LARGE1: variants seen among roughly 807,000 people sequenced by gnomAD.
The protein encoded by LARGE1 is LARGE xylosyl- and glucuronyltransferase 1.
LARGE1 carries 43 observed loss-of-function variants against 87.6 expected under a neutral mutation model. That is an observed-to-expected ratio of 0.49 (90% confidence interval 0.38 to 0.63). LARGE1 has a LOEUF of 0.63. Ranked by LOEUF, LARGE1 falls within the 30% of genes least tolerant of loss-of-function variation. The pLI, the probability that LARGE1 is intolerant of heterozygous loss-of-function variation, is 0.00. For missense variants in LARGE1, 802 were observed against 1,000.2 expected (o/e 0.80, Z 2.67); for synonymous variants, 434 against 394.6 (o/e 1.10, Z -1.18).
At chr22:33,396,222 T>A (rs2065734667) in intron 7 of LARGE1, among the ~76,000 whole-genome samples, 1 of 152,204 alleles carries the variant, frequency 6.6e-6, no homozygotes, top group South Asian at 2.1e-4. Context: ...AAAATCACCC[T>A]CAGAATCGCA....
At chr22:33,598,172 G>A (rs1298394762) in intron 5 of LARGE1, among the ~76,000 whole-genome samples, 1 of 152,044 alleles carries the variant, frequency 6.6e-6, no homozygotes, top group Non-Finnish European at 1.5e-5. Flanking sequence ...TAGGAGAAAG[G>A]GCACAGATAC....
At chr22:33,506,466 C>T (rs991314776) in intron 6 of LARGE1, among the ~76,000 whole-genome samples, 2 of 152,156 alleles carry the variant, frequency 1.3e-5, no homozygotes, top group Non-Finnish European at 1.5e-5. Context: ...ACAATTCCAC[C>T]CGGGGAGGAG....
intron 4 of LARGE1, among the ~76,000 whole-genome samples, chr22:33,617,818 A>G (rs1412811303): frequency 6.6e-6 from 1 of 152,206 alleles, no homozygotes; most frequent in Non-Finnish European, 1.5e-5. Flanking sequence ...ACTCTTAATG[A>G]GCAACGCTTC....
At chr22:33,716,306 T>C (rs2149422166) in intron 2 of LARGE1, among the ~76,000 whole-genome samples, 1 of 152,376 alleles carries the variant, frequency 6.6e-6, no homozygotes, top group East Asian at 1.9e-4. Flanking sequence ...TTATGTGAAA[T>C]TCCAATTTAA....
At chr22:33,172,538 G>T (rs1384649819) in intron 11 of LARGE1, among the ~76,000 whole-genome samples, 2 of 151,922 alleles carry the variant, frequency 1.3e-5, no homozygotes, top group African/African-American at 4.8e-5. Flanking sequence ...GCTTCCTGAG[G>T]CTTCCCCAAA....
chr22:33,381,436 T>G (rs1021893170), intron 9 of LARGE1, among the ~76,000 whole-genome samples: 1 of 152,210 alleles, frequency 6.6e-6, no homozygotes, highest in Non-Finnish European at 1.5e-5. Context: ...GAGACATTTA[T>G]GCTTGCATCT....
At chr22:33,891,395 T>C (rs1238747333) in intron 1 of LARGE1, among the ~76,000 whole-genome samples, 2 of 151,792 alleles carry the variant, frequency 1.3e-5, no homozygotes, top group Admixed American at 1.3e-4. Context: ...AAACATCTTT[T>C]TGAGCAACAA....
intron 11 of LARGE1, among the ~76,000 whole-genome samples, chr22:33,304,948 C>T (rs1934670192): frequency 6.6e-6 from 1 of 152,172 alleles, no homozygotes; most frequent in South Asian, 2.1e-4. Context: ...GTAAAATAAA[C>T]AGTAAACACA....
intron 1 of LARGE1, among the ~76,000 whole-genome samples, chr22:33,855,701 G>A (rs756208794): frequency 1.4e-4 from 22 of 152,206 alleles, no homozygotes; most frequent in African/African-American, 4.8e-4. Flanking sequence ...CAGTATCTTA[G>A]TTTTCGAAGT....
chr22:33,678,886 G>A (rs973423001), intron 2 of LARGE1, among the ~76,000 whole-genome samples: 2 of 152,308 alleles, frequency 1.3e-5, no homozygotes, highest in East Asian at 1.9e-4. Flanking sequence ...CGCATCTAAC[G>A]AAATAGTTGA....
intron 1 of LARGE1, among the ~76,000 whole-genome samples, chr22:33,765,474 C>A (rs138875433): frequency 6.6e-6 from 1 of 151,884 alleles, no homozygotes; most frequent in African/African-American, 2.4e-5. Context: ...CAGGCTGAGG[C>A]GGGCGGATCA....
chr22:33,911,992 A>G (rs1321853490), intron 1 of LARGE1, among the ~76,000 whole-genome samples: 1 of 152,220 alleles, frequency 6.6e-6, no homozygotes, highest in African/African-American at 2.4e-5. Context: ...CAAATCATTC[A>G]GTGTGGACAC....
chr22:33,497,256 A>G (rs2070182144), intron 6 of LARGE1, among the ~76,000 whole-genome samples: 1 of 151,846 alleles, frequency 6.6e-6, no homozygotes, highest in South Asian at 2.1e-4. Flanking sequence ...TTGTATTTTT[A>G]GTACAGATAG....
intron 1 of LARGE1, among the ~76,000 whole-genome samples, chr22:33,876,595 A>G (rs2064474162): frequency 6.6e-6 from 1 of 151,978 alleles, no homozygotes; most frequent in Admixed American, 6.6e-5. Context: ...GGAGTTGAAC[A>G]ATGAGAATGC....
chr22:33,142,904 AG>A, the LARGE1 span, among the ~76,000 whole-genome samples: 2 of 152,210 alleles, frequency 1.3e-5, no homozygotes, highest in Non-Finnish European at 2.9e-5. Flanking sequence ...GAAAGTTATC[AG>A]AACATATGGA....
intron 6 of LARGE1, among the ~76,000 whole-genome samples, chr22:33,526,665 G>A (rs563256208): frequency 6.6e-6 from 1 of 152,366 alleles, no homozygotes; most frequent in South Asian, 2.1e-4. Context: ...CAGAACACAA[G>A]TCCATCAACT....
intron 13 of LARGE1, among the ~76,000 whole-genome samples, chr22:33,280,306 G>T (rs1254697791): frequency 3.4e-5 from 4 of 118,368 alleles, no homozygotes; most frequent in African/African-American, 1.1e-4. Context: ...CTGATATATG[G>T]TAACTCCTCA....
chr22:33,735,433 G>A (rs1253319000), intron 2 of LARGE1, among the ~76,000 whole-genome samples: 1 of 152,120 alleles, frequency 6.6e-6, no homozygotes, highest in East Asian at 1.9e-4. Context: ...ATTTTCTCCT[G>A]TTAATCTATC....
At chr22:33,545,419 A>AACACAC (rs55754949) in intron 6 of LARGE1, among the ~76,000 whole-genome samples, 2,301 of 143,990 alleles carry the variant, frequency 0.016, 55 homozygotes, top group African/African-American at 0.056. Flanking sequence ...ACACCCAGCT[A>AACACAC]ACACACACAC....
Sources: gnomAD v4.1 joint callset for allele counts (sites outside exome capture counted in the v4.1 genomes callset) on GRCh38, gnomAD v4.1.1 for gene constraint, MANE v1.5 for transcripts, NCBI Gene and HGNC (gene_info 2026-07-23, HGNC 2026-07-21) for gene names.